The following KCTD16 variants were observed in gnomAD, a reference collection of about 807,000 sequenced individuals.
The protein encoded by KCTD16 is BTB/POZ domain-containing protein KCTD16.
Under a neutral mutation model 33.2 loss-of-function variants are expected in KCTD16, and 13 were observed. The ratio of observed to expected loss-of-function variants is 0.39; its 90% confidence interval spans 0.25 to 0.62. KCTD16 has a LOEUF of 0.62. Ranked by LOEUF, KCTD16 falls within the 20% of genes least tolerant of loss-of-function variation. The pLI is 0.50. For synonymous variants in KCTD16, 197 were observed against 195.3 expected (o/e 1.01, Z -0.07); for missense variants, 441 against 525.1 (o/e 0.84, Z 1.57).
chr5:144,181,746 G>A (rs1171023933), intron 2 of KCTD16, among the ~76,000 whole-genome samples: 1 of 152,170 alleles, frequency 6.6e-6, no homozygotes, highest in Non-Finnish European at 1.5e-5. Flanking sequence ...TCAAAAAGTT[G>A]TTGTGTTGGA....
At chr5:144,256,262 A>G (rs940187249) in intron 3 of KCTD16, among the ~76,000 whole-genome samples, 2 of 152,350 alleles carry the variant, frequency 1.3e-5, no homozygotes, top group Non-Finnish European at 2.9e-5. Flanking sequence ...CTTTGTACGG[A>G]TATAAACATC....
intron 3 of KCTD16, among the ~76,000 whole-genome samples, chr5:144,252,369 C>G (rs867634156): frequency 6.6e-6 from 1 of 152,170 alleles, no homozygotes; most frequent in African/African-American, 2.4e-5. Flanking sequence ...ATCTTGATTT[C>G]TTTTCCTTTT....
chr5:144,304,292 C>T (rs1357002207), intron 3 of KCTD16, among the ~76,000 whole-genome samples: 1 of 152,164 alleles, frequency 6.6e-6, no homozygotes, highest in African/African-American at 2.4e-5. Context: ...TCCTGAAGTG[C>T]AGCATGAAGC....
In KCTD16 at chr5:144,206,657, T is replaced by C. The variant is rs775752520; in HGVS notation, c.-58T>C. The C allele has an allele frequency of 1.4e-6, 2 of 1,404,134 alleles. No homozygotes were observed. The highest frequency in any genetic ancestry group is 2.0e-6 in the Non-Finnish European group (2 of 1,012,030). The allele number at this position is 1,404,134 out of a possible 1,614,324, so 87.0% of individuals were successfully genotyped here. On this transcript the variant is annotated 5_prime_UTR_variant, in exon 3 of 4. Coordinates refer to ENST00000512467, the MANE Select transcript of KCTD16 (RefSeq NM_020768.4). ...TACAAGTTGATCCAAAGGATAAGGC[T>C]GTGACTCCATTGGATTGCACCTTTA...
chr5:144,415,163 C>T (rs142300712), intron 3 of KCTD16, among the ~76,000 whole-genome samples: 1 of 152,066 alleles, frequency 6.6e-6, no homozygotes, highest in Non-Finnish European at 1.5e-5. Flanking sequence ...CAAGAGGGAG[C>T]CAATCTCGTC....
At chr5:144,402,334 A>G (rs1352413580) in intron 3 of KCTD16, among the ~76,000 whole-genome samples, 1 of 152,140 alleles carries the variant, frequency 6.6e-6, no homozygotes. Context: ...GTGGCCAGGG[A>G]AGCAATGATC....
At chr5:144,247,524 C>G (rs1754583470) in intron 3 of KCTD16, among the ~76,000 whole-genome samples, 1 of 152,152 alleles carries the variant, frequency 6.6e-6, no homozygotes, top group South Asian at 2.1e-4. Flanking sequence ...TAAACTATTC[C>G]CACTGTGCTG....
chr5:144,205,287 C>A (rs920937136), intron 2 of KCTD16: 8 of 346,640 alleles, frequency 2.3e-5, no homozygotes, highest in African/African-American at 1.3e-4. Context: ...CCGAGGAGGA[C>A]GTGACTCGGA....
At chr5:144,461,912 T>C (rs1754204269) in intron 3 of KCTD16, among the ~76,000 whole-genome samples, 1 of 152,218 alleles carries the variant, frequency 6.6e-6, no homozygotes, top group Non-Finnish European at 1.5e-5. Flanking sequence ...AGCCAGATGC[T>C]GCTTCCTCCA....
At chr5:144,272,407 G>T (rs1253716978) in intron 3 of KCTD16, among the ~76,000 whole-genome samples, 1 of 152,068 alleles carries the variant, frequency 6.6e-6, no homozygotes, top group Non-Finnish European at 1.5e-5. Flanking sequence ...TCCAGCCTGG[G>T]CAACAAGAGT....
At chr5:144,278,485 CTTTTTTTT>C (rs1220359408) in intron 3 of KCTD16, among the ~76,000 whole-genome samples, 1 of 89,986 alleles carries the variant, frequency 1.1e-5, no homozygotes, top group African/African-American at 4.9e-5. Flanking sequence ...TGTTAGTCTT[CTTTTTTTT>C]TTTTTTTTTT....
Position 144,242,500 on chromosome 5 carries a change from T to C in KCTD16, c.832+34954T>C, listed in dbSNP as rs149610877. Reference sequence around the variant, plus strand: ...GCATTTTATATCTCACCAGACAATATAATTCATACAGTCAATACTAATTAA... The same window carrying C: ...GCATTTTATATCTCACCAGACAATACAATTCATACAGTCAATACTAATTAA... On this transcript the variant is annotated intron_variant, in intron 3 of 3. Transcript: ENST00000512467. Among the ~76,000 whole-genome samples, 29 of 152,340 alleles carry C rather than the reference T, an allele frequency of 1.9e-4. No individual in the cohort carries two copies. In the East Asian group the frequency reaches 4.6e-3, roughly 24 times the overall value.
chr5:144,451,468 A>T (rs1487482447), intron 3 of KCTD16, among the ~76,000 whole-genome samples: 1 of 152,178 alleles, frequency 6.6e-6, no homozygotes, highest in Non-Finnish European at 1.5e-5. Context: ...AATGGCTAAG[A>T]AGAAGACATT....
chr5:144,179,646 TA>T (rs1580769301), intron 2 of KCTD16, among the ~76,000 whole-genome samples: 1 of 152,232 alleles, frequency 6.6e-6, no homozygotes, highest in East Asian at 1.9e-4. Context: ...ATTTTACTAA[TA>T]AGACTAGTAT....
chr5:144,273,662 T>G (rs1755362852), intron 3 of KCTD16, among the ~76,000 whole-genome samples: 1 of 148,606 alleles, frequency 6.7e-6, no homozygotes, highest in Non-Finnish European at 1.5e-5. Context: ...CTAAGTAAAA[T>G]AAGCTAGTCA....
intron 3 of KCTD16, among the ~76,000 whole-genome samples, chr5:144,208,993 G>A (rs771108699): frequency 1.8e-4 from 27 of 152,040 alleles, no homozygotes; most frequent in African/African-American, 5.3e-4. Context: ...ATAAGATTCC[G>A]GCTTTTTAGC....
intron 3 of KCTD16, among the ~76,000 whole-genome samples, chr5:144,277,720 T>G (rs181092151): frequency 6.6e-6 from 1 of 152,366 alleles, no homozygotes; most frequent in Admixed American, 6.5e-5. Context: ...CTAACTATTT[T>G]AATAGGTGTG....
chr5:144,181,719 TG>T, intron 2 of KCTD16, among the ~76,000 whole-genome samples: 1 of 152,188 alleles, frequency 6.6e-6, no homozygotes, highest in Non-Finnish European at 1.5e-5. Flanking sequence ...TATGTTGCTG[TG>T]GTTTGGATGT....
intron 3 of KCTD16, among the ~76,000 whole-genome samples, chr5:144,439,841 T>C (rs573486295): frequency 6.6e-6 from 1 of 152,152 alleles, no homozygotes; most frequent in Non-Finnish European, 1.5e-5. Context: ...GGGTGTTGTA[T>C]GTATGGTGAC....
Sources: gnomAD v4.1 joint callset for allele counts (sites outside exome capture counted in the v4.1 genomes callset) on GRCh38, gnomAD v4.1.1 for gene constraint, MANE v1.5 for transcripts, NCBI Gene and HGNC (gene_info 2026-07-23, HGNC 2026-07-21) for gene names.